The following WDR55 variants were observed in gnomAD, a reference collection of about 807,000 sequenced individuals.
WDR55 encodes WD repeat-containing protein 55.
A neutral mutation model predicts 34.0 loss-of-function variants in WDR55; 31 were observed. The ratio of observed to expected loss-of-function variants is 0.91; its 90% CI spans 0.69 to 1.23. The LOEUF (loss-of-function observed/expected upper bound fraction) is 1.23. Among genes scored for constraint, WDR55 ranks in the 50% most tolerant of loss-of-function variants. The pLI, the probability that WDR55 is intolerant of heterozygous loss-of-function variation, is 0.00. For missense variants in WDR55, 440 were observed against 494.6 expected, an observed-to-expected ratio of 0.89 and a Z score of 1.05; for synonymous variants, 164 against 185.9, an observed-to-expected ratio of 0.88 and a Z score of 0.96.
chr5:140,668,626 GTCT>G lies in WDR55; in HGVS notation c.399_401del (p.Leu135del). ...TGTGTCTCTAGTGCCCCCATCAATA[GTCT>G]TCTGCTGGTGGATGAGAATGTTCTG... is the stretch of plus-strand genomic sequence containing the variant. On this transcript the variant is annotated inframe_deletion, in exon 4 of 7. Transcript: ENST00000358337. 1 of 1,613,766 alleles carries G rather than the reference GTCT, an allele frequency of 6.2e-7. No individual in the cohort carries two copies. Among genetic ancestry groups the G allele is most frequent in the Non-Finnish European group, 8.5e-7 (1 of 1,179,786 alleles).
Position 140,672,329 on chromosome 5 carries a change from G to A in WDR55, c.*2675G>A. On this transcript the variant is annotated 3_prime_UTR_variant, in exon 7 of 7. Transcript: ENST00000358337. ...AAAAATCTGAGATCAAATAGTAAAA[G>A]GTTGCAAATTCTGGCATGTTTGACT... is the stretch of plus-strand genomic sequence containing the variant. The A allele has an allele frequency of 8.9e-7, 1 of 1,127,174 alleles. No homozygotes were observed. The highest frequency in any genetic ancestry group is 1.3e-6 in the Non-Finnish European group (1 of 792,392). The allele number at this position is 1,127,174 out of a possible 1,614,324, so 69.8% of individuals were successfully genotyped here. A position where few individuals can be genotyped will look rare whatever the true frequency, so the allele number is the denominator to read the frequency against.
chr5:140,669,083 G>A lies in WDR55; in HGVS notation c.665G>A (p.Gly222Glu). The A allele has an allele frequency of 4.3e-6, 7 of 1,614,168 alleles. No homozygotes were observed. The highest frequency in any genetic ancestry group is 5.9e-6 in the Non-Finnish European group (7 of 1,180,038). ...DLTSVTLMKW[G>E]KKVACGSSEG... Reference sequence around the variant, plus strand: ...GTTTTCTCTATTTCCCTGCAGTGGGGGAAGAAGGTAGCCTGTGGCTCCAGT... The same window carrying A: ...GTTTTCTCTATTTCCCTGCAGTGGGAGAAGAAGGTAGCCTGTGGCTCCAGT... The change falls in exon 6 of 7, where the codon GGG (glycine) becomes GAG (glutamate). Residue 222 changes from glycine (G) to glutamate (E), a missense_variant. Physicochemically the swap from Gly to Glu is moderately conservative, Grantham distance 98. Transcript: ENST00000358337.
rs143437122 is a variant in WDR55 at position 140,667,067 on chromosome 5, G to T, written c.192-1167G>T. On this transcript the variant is annotated intron_variant, in intron 1 of 6. Coordinates refer to ENST00000358337, the MANE Select transcript of WDR55 (RefSeq NM_017706.5). ...AGGGGGAATTATACCTACCCTTGCA[G>T]AGGGGACAAGTTTGCAGTACAGCAC... The T allele has an allele frequency of 3.0e-4, 300 of 985,456 alleles. No individual in the cohort carries two copies. In the African/African-American group the frequency reaches 5.0e-3, roughly 16 times the overall value. 61.0% of individuals were successfully genotyped at this position (985,456 alleles called of 1,614,324 possible).
At chr5:140,669,269 C>T (rs772706246) in intron 6 of WDR55, 21 bp downstream of exon 6, 2 of 1,613,242 alleles carry the variant, frequency 1.2e-6, no homozygotes, top group South Asian at 2.2e-5. Flanking sequence ...CCTGGACAGC[C>T]CTTAGGTCAC....
In WDR55 at chr5:140,672,273, A is replaced by G; in HGVS notation, c.*2619A>G. 1.4e-6 allele frequency: 1 copy of G among 696,514 alleles called. No homozygotes were observed. The highest frequency in any genetic ancestry group is 2.4e-6 in the Non-Finnish European group (1 of 423,326). 43.1% of individuals were successfully genotyped at this position (696,514 alleles called of 1,614,324 possible). A position where few individuals can be genotyped will look rare whatever the true frequency, so the allele number is the denominator to read the frequency against. Reference sequence around the variant, plus strand: ...CTCGGGAAGTGTCACAAATTTAGGTAAGCGGTGGTGGTAGCACCATTGGAA... The same window carrying G: ...CTCGGGAAGTGTCACAAATTTAGGTGAGCGGTGGTGGTAGCACCATTGGAA... On this transcript the variant is annotated 3_prime_UTR_variant, in exon 7 of 7. Coordinates refer to ENST00000358337, the MANE Select transcript of WDR55 (RefSeq NM_017706.5).
intron 1 of WDR55, among the ~76,000 whole-genome samples, chr5:140,665,482 C>G (rs895382189): frequency 6.6e-6 from 1 of 152,072 alleles, no homozygotes; most frequent in African/African-American, 2.4e-5. Context: ...CTCAGCCTCC[C>G]GAGTAGCTGG....
In WDR55 at chr5:140,670,588, A is replaced by G. The variant is rs1758049612; in HGVS notation, c.*934A>G. 6.5e-6 allele frequency: 1 copy of G among 152,858 alleles called. No homozygotes were observed. Among genetic ancestry groups the G allele is most frequent in the Admixed American group, 6.5e-5 (1 of 15,362 alleles). 9.5% of individuals were successfully genotyped at this position (152,858 alleles called of 1,614,324 possible). A position where few individuals can be genotyped will look rare whatever the true frequency, so the allele number is the denominator to read the frequency against. ...GGTCTCGAACTCCTGACCTCAGGTGATCCACCCGCCTCAGCCTCCCAAAGT... is the reference window on the plus strand; with the variant it reads ...GGTCTCGAACTCCTGACCTCAGGTGGTCCACCCGCCTCAGCCTCCCAAAGT... On this transcript the variant is annotated 3_prime_UTR_variant, in exon 7 of 7. Coordinates refer to ENST00000358337, the MANE Select transcript of WDR55 (RefSeq NM_017706.5).
At position 140,672,010 on chromosome 5, in the gene WDR55, C is replaced by G. The variant is rs1245972824; in HGVS notation, c.*2356C>G. 1.7e-5 allele frequency: 10 copies of G among 587,964 alleles called. No homozygotes were observed. The East Asian group carries it at 2.6e-4, about 15-fold the overall frequency. The allele number at this position is 587,964 out of a possible 1,614,324, so 36.4% of individuals were successfully genotyped here. On this transcript the variant is annotated 3_prime_UTR_variant, in exon 7 of 7. Coordinates refer to ENST00000358337, the MANE Select transcript of WDR55 (RefSeq NM_017706.5). ...GTCTGCCTCATAACCATCATAATGG[C>G]TAATCTTTACTGGGAAAACTTGCTG...
chr5:140,666,158 A>G (rs1757917876), intron 1 of WDR55, among the ~76,000 whole-genome samples: 4 of 152,108 alleles, frequency 2.6e-5, no homozygotes, highest in Admixed American at 2.6e-4. Context: ...GCACTTTGGG[A>G]GACCAAGGTG....
rs376111619 is a variant in WDR55, at chr5:140,669,279, C to G, written c.830+31C>G. 38 of 1,612,870 alleles carry G rather than the reference C, an allele frequency of 2.4e-5. No individual in the cohort carries two copies. In the African/African-American group the frequency reaches 4.9e-4, roughly 21 times the overall value. On this transcript the variant is annotated intron_variant, in intron 6 of 6. Coordinates refer to ENST00000358337, the MANE Select transcript of WDR55 (RefSeq NM_017706.5). ...GGAAGCCTGGACAGCCCTTAGGTCACAGGAAGGGCAGACCCAGCTAGCCAG... is the reference window on the plus strand; with the variant it reads ...GGAAGCCTGGACAGCCCTTAGGTCAGAGGAAGGGCAGACCCAGCTAGCCAG...
chr5:140,668,110 G>A (rs978640010), intron 1 of WDR55, 124 bp from the exon 2 acceptor site: 9 of 1,121,044 alleles, frequency 8.0e-6, no homozygotes, highest in African/African-American at 7.9e-5. Context: ...AACTTTTTGG[G>A]CTTAGAGGTG....
Position 140,668,231 on chromosome 5 carries a change from C to T in WDR55, c.192-3C>T, listed in dbSNP as rs185373111. 25 of 1,597,238 alleles carry T rather than the reference C, an allele frequency of 1.6e-5. No homozygotes were observed. In the East Asian group the frequency reaches 4.9e-4, roughly 31 times the overall value. On this transcript the variant is annotated splice_region_variant and splice_polypyrimidine_tract_variant and intron_variant, in intron 1 of 6. Transcript: ENST00000358337. The stretch of plus-strand genomic sequence containing the variant: ...TCATTTACCCTCCTTGCCCTCTCCC[C>T]AGCTTTTCCTACTCTTGCCAAGAGG...
intron 1 of WDR55, chr5:140,667,995 G>T: frequency 2.6e-6 from 1 of 380,950 alleles, no homozygotes; most frequent in Non-Finnish European, 4.7e-6. Context: ...GGGGTTGGGT[G>T]GGATCACAAA....
chr5:140,671,830 C>G lies in WDR55; in HGVS notation c.*2176C>G. The G allele has an allele frequency of 6.9e-7, 1 of 1,440,004 alleles. No individual in the cohort carries two copies. The highest frequency in any genetic ancestry group is 1.2e-5 in the South Asian group (1 of 81,432). 89.2% of individuals were successfully genotyped at this position (1,440,004 alleles called of 1,614,324 possible). A position where few individuals can be genotyped will look rare whatever the true frequency, so the allele number is the denominator to read the frequency against. ...AGGTGGTGAGCCCTTTGGAGCTACA[C>G]AGTCCTGTTATTTGTAGCCTTCCCA... On this transcript the variant is annotated 3_prime_UTR_variant, in exon 7 of 7. Coordinates refer to ENST00000358337, the MANE Select transcript of WDR55 (RefSeq NM_017706.5).
intron 1 of WDR55, among the ~76,000 whole-genome samples, chr5:140,665,328 CTTG>C (rs902445536): frequency 6.6e-6 from 1 of 152,156 alleles, no homozygotes; most frequent in Non-Finnish European, 1.5e-5. Flanking sequence ...CCTTTAAGGC[CTTG>C]TTATTTCCCA....
intron 1 of WDR55, chr5:140,666,938 TGAA>T (rs912598687): frequency 1.0e-6 from 1 of 985,352 alleles, no homozygotes; most frequent in African/African-American, 1.7e-5. Flanking sequence ...GTGGAAAAGT[TGAA>T]GATGTTATGC....
chr5:140,667,088 A>G, intron 1 of WDR55: 2 of 985,486 alleles, frequency 2.0e-6, no homozygotes, highest in Non-Finnish European at 2.4e-6. Context: ...TTTGCAGTAC[A>G]GCACCTAAGC....
At position 140,670,088 on chromosome 5, in the gene WDR55, G is replaced by GGGTT. The variant is rs1758036276; in HGVS notation, c.*436_*439dup. ...TCTGTCACCCAGGCTGGAGTACAGT[G>GGGTT]GGTTGATCATGGCTCACTGCATCCT... On this transcript the variant is annotated 3_prime_UTR_variant, in exon 7 of 7. Coordinates refer to ENST00000358337, the MANE Select transcript of WDR55 (RefSeq NM_017706.5). 5.8e-6 allele frequency: 1 copy of GGGTT among 170,986 alleles called. No individual in the cohort carries two copies. Among genetic ancestry groups the GGGTT allele is most frequent in the Non-Finnish European group, 1.3e-5 (1 of 79,398 alleles). The allele number at this position is 170,986 out of a possible 1,614,324, so 10.6% of individuals were successfully genotyped here. A position where few individuals can be genotyped will look rare whatever the true frequency, so the allele number is the denominator to read the frequency against.
chr5:140,666,969 T>C (rs898410828), intron 1 of WDR55: 1 of 985,374 alleles, frequency 1.0e-6, no homozygotes, highest in Admixed American at 6.1e-5. Flanking sequence ...ATTTACTTAA[T>C]GAATTTAAAC....
Sources: gnomAD v4.1 joint callset for allele counts (sites outside exome capture counted in the v4.1 genomes callset) on GRCh38, gnomAD v4.1.1 for gene constraint, MANE v1.5 for transcripts, NCBI Gene and HGNC (gene_info 2026-07-23, HGNC 2026-07-21) for gene names.